The following ACSF3 variants were observed in gnomAD, a reference collection of about 807,000 sequenced individuals.
ACSF3 encodes the protein malonate--CoA ligase ACSF3, mitochondrial.
Under a neutral mutation model 53.2 loss-of-function variants are expected in ACSF3, and 78 were observed. The observed-to-expected ratio is 1.47, with a 90% CI of 1.22 to 1.77. The LOEUF is 1.77. Among genes scored for constraint, ACSF3 ranks in the 40% most tolerant of loss-of-function variants. The pLI, the probability that ACSF3 is intolerant of heterozygous loss-of-function variation, is 0.00. For synonymous variants in ACSF3, 414 were observed against 333.1 expected (o/e 1.24, Z -2.65); for missense variants, 937 against 771.1 (o/e 1.22, Z -2.55).
chr16:89,142,165 G>A (rs1402298702), intron 8 of ACSF3, among the ~76,000 whole-genome samples: 2 of 152,100 alleles, frequency 1.3e-5, no homozygotes, highest in African/African-American at 4.8e-5. Context: ...CCCTGGGGTT[G>A]GAGGCCAGGC....
chr16:89,114,271 A>G, intron 5 of ACSF3, 68 bp from the exon 6 acceptor site: 1 of 1,606,118 alleles, frequency 6.2e-7, no homozygotes, highest in Non-Finnish European at 8.5e-7. Context: ...GAGGGGCTAA[A>G]CCTGCCACCT....
rs575382472 is a variant in ACSF3 at position 89,108,093 on chromosome 16, T to C, written c.823-3999T>C. 5.3e-5 allele frequency among the ~76,000 whole-genome samples: 8 copies of C among 152,284 alleles called. No individual in the cohort carries two copies. In the South Asian group the frequency reaches 1.7e-3, roughly 32 times the overall value. ...AACCCATCAGATCTCATGAGACTTATTCACTATCATGAGAATAGCACAGGA... is the reference window on the plus strand; with the variant it reads ...AACCCATCAGATCTCATGAGACTTACTCACTATCATGAGAATAGCACAGGA... On this transcript the variant is annotated intron_variant, in intron 4 of 10. Transcript: ENST00000614302.
At position 89,154,398 on chromosome 16, in the gene ACSF3, T is replaced by A. The variant is rs1483251577; in HGVS notation, c.*191T>A. 1 of 690,210 alleles carries A rather than the reference T, an allele frequency of 1.4e-6. No homozygotes were observed. The highest frequency in any genetic ancestry group is 2.6e-6 in the Non-Finnish European group (1 of 381,326). The allele number at this position is 690,210 out of a possible 1,614,324, so 42.8% of individuals were successfully genotyped here. On this transcript the variant is annotated 3_prime_UTR_variant, in exon 11 of 11. Transcript: ENST00000614302. ...CCAGCCTCGGGCCAGTTGTTGCAGC[T>A]CAAGGAGACCGTCCCTGGTGTCACC...
In ACSF3 at chr16:89,154,206, G is replaced by T; in HGVS notation, c.1730G>T (p.Ter577LeuextTer32). The change falls in exon 11 of 11, where the codon TGA becomes TTA. Residue 577 changes from the stop codon to leucine, a stop_lost. Coordinates refer to ENST00000614302, the MANE Select transcript of ACSF3 (RefSeq NM_001243279.3). ...CTCATCAGGCACTTCCACCCCTCAT[G>T]ACCCGGCAGACTGGGACTGCGGGTC... Reference protein sequence around the residue: ...KALIRHFHPS* With the variant: ...KALIRHFHPSL The T allele has an allele frequency of 1.2e-6, 2 of 1,613,232 alleles. No homozygotes were observed. The highest frequency in any genetic ancestry group is 2.2e-5 in the South Asian group (2 of 90,904).
chr16:89,137,616 T>C (rs1439402097), intron 8 of ACSF3, among the ~76,000 whole-genome samples: 3 of 142,382 alleles, frequency 2.1e-5, no homozygotes, highest in Non-Finnish European at 3.0e-5. Flanking sequence ...GAGCCCCAGG[T>C]CCCGGGAGGA....
intron 10 of ACSF3, chr16:89,151,504 A>T (rs1299734129): frequency 3.7e-6 from 1 of 272,442 alleles, no homozygotes; most frequent in African/African-American, 2.2e-5. Context: ...AGCAAATTAA[A>T]TCCAGTTAAT....
Position 89,154,891 on chromosome 16 carries a change from C to A in ACSF3, c.*684C>A. 2.2e-6 allele frequency: 1 copy of A among 454,150 alleles called. No individual in the cohort carries two copies. The highest frequency in any genetic ancestry group is 1.6e-5 in the South Asian group (1 of 64,468). The allele number at this position is 454,150 out of a possible 1,614,324, so 28.1% of individuals were successfully genotyped here. ...GAGCTGCTCTGCCGTGACCCTGCCT[C>A]ACCCCCCAGCGCAGGGACTTTCCAG... On this transcript the variant is annotated 3_prime_UTR_variant, in exon 11 of 11. Transcript: ENST00000614302.
intron 9 of ACSF3, 40 bp downstream of exon 9, chr16:89,145,441 G>A (rs754115083): frequency 8.7e-6 from 14 of 1,610,910 alleles, no homozygotes; most frequent in South Asian, 3.3e-5. Flanking sequence ...CAGGCTAGAC[G>A]GGTGCTGCCT....
intron 1 of ACSF3, among the ~76,000 whole-genome samples, chr16:89,097,111 T>C (rs1447975118): frequency 6.6e-6 from 1 of 152,216 alleles, no homozygotes; most frequent in Non-Finnish European, 1.5e-5. Context: ...TTTGTAGAAA[T>C]GCCAAAAGGG....
At chr16:89,099,952 G>A (rs556624655) in intron 2 of ACSF3, among the ~76,000 whole-genome samples, 7 of 150,446 alleles carry the variant, frequency 4.7e-5, no homozygotes, top group African/African-American at 1.7e-4. Flanking sequence ...ACCAGCCTGG[G>A]CAATACAGTG....
chr16:89,145,201 C>T, intron 8 of ACSF3, 66 bp from the exon 9 acceptor site: 2 of 1,613,556 alleles, frequency 1.2e-6, no homozygotes, highest in East Asian at 4.5e-5. Flanking sequence ...TAACCAGAGC[C>T]CCTTTTCCTC....
rs746019334 is a variant in ACSF3, at chr16:89,154,120, G to A, written c.1644G>A (p.Ser548=). ...TCCTGGCCCCGTACGCGGTGCCCTC[G>A]GAGCTGGTGCTGGTGGAGGAGATCC... The part of the protein sequence containing the change: ...RNVLAPYAVP[S]ELVLVEEIPR... Residue 548 remains serine (S), a synonymous_variant, in exon 11 of 11, where the codon TCG becomes TCA. Transcript: ENST00000614302. The A allele has an allele frequency of 8.7e-6, 14 of 1,613,108 alleles. No individual in the cohort carries two copies. The highest frequency in any genetic ancestry group is 3.3e-5 in the Admixed American group (2 of 59,906).
Position 89,145,227 on chromosome 16 carries a change from G to GT in ACSF3, c.1367-37dup, listed in dbSNP as rs1567745818. On this transcript the variant is annotated intron_variant, in intron 8 of 10. Transcript: ENST00000614302. ...CCTTTTCCTCAGGGGACACCGTGGT[G>GT]TTTAAGGATGGCCAGTTAACCAGAG... is the stretch of plus-strand genomic sequence containing the variant. 1.9e-6 allele frequency: 3 copies of GT among 1,613,890 alleles called. 1 individual carries two copies. The highest frequency in any genetic ancestry group is 2.2e-5 in the South Asian group (2 of 90,924).
rs146927450 is a variant in ACSF3, at chr16:89,154,273, G to A, written c.*66G>A. The A allele has an allele frequency of 1.5e-5, 23 of 1,491,710 alleles. No individual in the cohort carries two copies. The highest frequency in any genetic ancestry group is 1.1e-4 in the African/African-American group (8 of 72,612). 92.4% of individuals were successfully genotyped at this position (1,491,710 alleles called of 1,614,324 possible). A position where few individuals can be genotyped will look rare whatever the true frequency, so the allele number is the denominator to read the frequency against. On this transcript the variant is annotated 3_prime_UTR_variant, in exon 11 of 11. Transcript: ENST00000614302. ...ACGTCCCCTTCACACCGAGAACCAC[G>A]GGGGCCCGTCCAAGACCTGGCCTCC...
Position 89,145,402 on chromosome 16 carries a change from G to A in ACSF3, c.1501+1G>A, listed in dbSNP as rs904050143. The stretch of plus-strand genomic sequence containing the variant: ...CTGCTGGCCCACCCCAGCATCACAG[G>A]TGCGTGGCCGGACTTGGGCCAGGGA... On this transcript the variant is annotated splice_donor_variant, in intron 9 of 10. Transcript: ENST00000614302. LOFTEE classifies it high-confidence loss of function. The A allele has an allele frequency of 1.2e-6, 2 of 1,614,068 alleles. No individual in the cohort carries two copies. The highest frequency in any genetic ancestry group is 2.2e-5 in the East Asian group (1 of 44,890).
At chr16:89,108,955 G>C (rs192103694) in intron 4 of ACSF3, among the ~76,000 whole-genome samples, 15 of 152,054 alleles carry the variant, frequency 9.9e-5, no homozygotes, top group Non-Finnish European at 1.8e-4. Flanking sequence ...CAAACTGGCC[G>C]GGCACGGTGG....
chr16:89,102,893 C>T, intron 4 of ACSF3, 134 bp downstream of exon 4: 1 of 1,270,232 alleles, frequency 7.9e-7, no homozygotes, highest in Non-Finnish European at 1.1e-6. Flanking sequence ...GCCGCGCCCT[C>T]AGACTAGGCA....
intron 5 of ACSF3, chr16:89,113,352 T>C (rs1418897305): frequency 2.0e-5 from 3 of 152,260 alleles, no homozygotes; most frequent in South Asian, 2.1e-4. Context: ...CCAAGGCACA[T>C]GTCTGAACCG....
intron 10 of ACSF3, among the ~76,000 whole-genome samples, chr16:89,147,235 GAGGGAGGAGGGAGGGGT>G (rs1339773606): frequency 3.6e-5 from 3 of 82,822 alleles, no homozygotes; most frequent in Non-Finnish European, 7.1e-5. Context: ...CAGAGTGAGT[GAGGGAGGAGGGAGGGGT>G]CACAGAGTGA....
Sources: allele counts gnomAD v4.1 joint callset (sites outside exome capture counted in the v4.1 genomes callset), GRCh38; gene constraint gnomAD v4.1.1; transcripts MANE v1.5; gene names NCBI Gene and HGNC (gene_info 2026-07-23, HGNC 2026-07-21).